The following CSMD3 variants were observed in gnomAD, a reference collection of about 807,000 sequenced individuals.
CSMD3 encodes the protein CUB and Sushi multiple domains 3.
In CSMD3, 177 loss-of-function variants were observed where a neutral mutation model predicts 435.2. That is an observed-to-expected ratio of 0.41 (90% confidence interval 0.36 to 0.46). CSMD3 has a LOEUF of 0.46. Among genes scored for constraint, CSMD3 ranks in the 20% least tolerant of loss-of-function variants. The probability of loss-of-function intolerance (pLI) is 0.34; values close to 1 mark genes in which losing one functional copy is unlikely to be tolerated. For missense variants in CSMD3, 4,265 were observed against 4,504.6 expected, an observed-to-expected ratio of 0.95 and a Z score of 1.52; for synonymous variants, 1,656 against 1,520.5, an observed-to-expected ratio of 1.09 and a Z score of -2.07.
chr8:112,597,251 A>G (rs1200115716), intron 22 of CSMD3, among the ~76,000 whole-genome samples: 1 of 152,156 alleles, frequency 6.6e-6, no homozygotes, highest in Non-Finnish European at 1.5e-5. Flanking sequence ...CTATGCAAAT[A>G]AACTAGAAAA....
chr8:113,408,442 C>T (rs562662240), intron 1 of CSMD3, among the ~76,000 whole-genome samples: 1 of 152,064 alleles, frequency 6.6e-6, no homozygotes, highest in East Asian at 1.9e-4. Context: ...TAATGAAAGG[C>T]TAAAACAAAA....
intron 32 of CSMD3, among the ~76,000 whole-genome samples, chr8:112,456,715 A>G (rs547754964): frequency 6.6e-6 from 1 of 152,188 alleles, no homozygotes; most frequent in African/African-American, 2.4e-5. Context: ...AGAAAGAATA[A>G]ATAACTTACA....
In CSMD3 at chr8:113,302,342, A is replaced by C. The variant is rs1219264070; in HGVS notation, c.401+12229T>G. 8.4e-5 allele frequency among the ~76,000 whole-genome samples: 12 copies of C among 143,702 alleles called. No individual in the cohort carries two copies. In the East Asian group the frequency reaches 2.4e-3, roughly 28 times the overall value. The allele number at this position is 143,702 out of a possible 152,430, so 94.3% of individuals were successfully genotyped here. On this transcript the variant is annotated intron_variant, in intron 2 of 70. Coordinates refer to ENST00000297405, the MANE Select transcript of CSMD3 (RefSeq NM_198123.2). ...ATAATAATATAATATAATAATAAAA[A>C]ATATTAGGAAGAATATCTGAAATGA...
At chr8:113,403,799 A>C (rs563532414) in intron 1 of CSMD3, among the ~76,000 whole-genome samples, 1 of 151,596 alleles carries the variant, frequency 6.6e-6, no homozygotes, top group African/African-American at 2.4e-5. Flanking sequence ...TAAAATTAGA[A>C]GGCCTTTTTC....
chr8:112,502,732 A>C (rs1822100604), intron 30 of CSMD3, among the ~76,000 whole-genome samples: 1 of 152,178 alleles, frequency 6.6e-6, no homozygotes, highest in African/African-American at 2.4e-5. Context: ...AATTTTTGTC[A>C]AGTTGGCTGA....
intron 4 of CSMD3, among the ~76,000 whole-genome samples, chr8:113,148,044 C>T (rs952680993): frequency 2.0e-5 from 3 of 151,570 alleles, no homozygotes; most frequent in African/African-American, 7.3e-5. Context: ...CTTTCTCAAA[C>T]TATTTAGTAG....
intron 23 of CSMD3, among the ~76,000 whole-genome samples, chr8:112,586,273 A>C (rs1422401122): frequency 6.6e-6 from 1 of 151,504 alleles, no homozygotes; most frequent in Non-Finnish European, 1.5e-5. Context: ...TGAATTTTTC[A>C]CCTGGCTTTA....
chr8:112,255,375 T>A lies in CSMD3; in HGVS notation c.9915A>T (p.Lys3305Asn), dbSNP rs1179098810. Residue 3305 changes from lysine to asparagine, a missense_variant, in exon 62 of 71, where the codon AAA (lysine) becomes AAT (asparagine). Physicochemically the swap from Lys to Asn is moderately conservative, Grantham distance 94. Around this residue, in one of 3 missense-constraint regions of CSMD3, gnomAD observed 3,255 missense variants for 3,380.2 expected, o/e 0.96. Transcript: ENST00000297405. ...GIPAQGKREG[K>N]SFIYQSEVSF... Reference sequence around the variant, plus strand: ...AAACCTCTGACTGGTATATAAAGCTTTTGCCTTCTCTTTTTCCTTGGGCAG... The same window carrying A: ...AAACCTCTGACTGGTATATAAAGCTATTGCCTTCTCTTTTTCCTTGGGCAG... 1.2e-6 allele frequency: 2 copies of A among 1,613,532 alleles called. No individual in the cohort carries two copies. The highest frequency in any genetic ancestry group is 1.3e-5 in the African/African-American group (1 of 74,822).
chr8:112,386,579 C>G (rs1053937746), intron 36 of CSMD3, among the ~76,000 whole-genome samples: 19 of 152,152 alleles, frequency 1.2e-4, no homozygotes, highest in Middle Eastern at 6.8e-3. Context: ...CTCACTGCAA[C>G]CTCTGCCTCC....
At position 113,113,199 on chromosome 8, in the gene CSMD3, T is replaced by C. The variant is rs149431420; in HGVS notation, c.710-14236A>G. 4.2e-4 allele frequency among the ~76,000 whole-genome samples: 64 copies of C among 152,320 alleles called. No homozygotes were observed. In the East Asian group the frequency reaches 8.3e-3, roughly 20 times the overall value. On this transcript the variant is annotated intron_variant, in intron 4 of 70. Coordinates refer to ENST00000297405, the MANE Select transcript of CSMD3 (RefSeq NM_198123.2). ...CCTAGACTAAGAATTATGAATATTT[T>C]GTTTTAGTTTTATTTATAGATACAG...
chr8:113,132,379 G>A (rs938580848), intron 4 of CSMD3, among the ~76,000 whole-genome samples: 2 of 152,190 alleles, frequency 1.3e-5, no homozygotes, highest in East Asian at 3.9e-4. Context: ...AATTGAGGGA[G>A]GGGCCTGGTG....
intron 5 of CSMD3, among the ~76,000 whole-genome samples, chr8:113,072,773 T>G (rs1474141367): frequency 6.6e-6 from 1 of 151,702 alleles, no homozygotes; most frequent in Non-Finnish European, 1.5e-5. Flanking sequence ...TACTTCTAGC[T>G]GATGAGCAAA....
At chr8:112,802,695 G>T (rs1037017508) in intron 12 of CSMD3, among the ~76,000 whole-genome samples, 16 of 151,874 alleles carry the variant, frequency 1.1e-4, no homozygotes, top group African/African-American at 3.9e-4. Flanking sequence ...ATTGGGATAT[G>T]AACGGTAGTT....
At chr8:113,374,749 C>A (rs549576624) in intron 1 of CSMD3, among the ~76,000 whole-genome samples, 1 of 146,618 alleles carries the variant, frequency 6.8e-6, no homozygotes, top group African/African-American at 2.6e-5. Context: ...ATCTAACTCT[C>A]CTTTTGATCT....
At chr8:112,635,525 T>A (rs1037607794) in intron 22 of CSMD3, among the ~76,000 whole-genome samples, 4 of 151,158 alleles carry the variant, frequency 2.6e-5, no homozygotes, top group African/African-American at 9.7e-5. Context: ...AAAAAAAAAA[T>A]GCACCCTGCA....
At chr8:112,360,341 C>T (rs1237688827) in intron 38 of CSMD3, among the ~76,000 whole-genome samples, 3 of 151,898 alleles carry the variant, frequency 2.0e-5, no homozygotes, top group Admixed American at 6.6e-5. Flanking sequence ...ATAAATAAAA[C>T]TATGTTAGTG....
chr8:112,730,831 C>T (rs540644242), intron 13 of CSMD3, among the ~76,000 whole-genome samples: 19 of 152,170 alleles, frequency 1.2e-4, no homozygotes, highest in East Asian at 3.9e-4. Flanking sequence ...GAGCTATAAA[C>T]GAAGTGGGTG....
rs191771225 is a variant in CSMD3, at chr8:113,110,160, T to A, written c.710-11197A>T. ...AGCACCAGGCTGATCCATATTAATCTCTTTATCAAAGGGTCACCTGACCAC... is the reference window on the plus strand; with the variant it reads ...AGCACCAGGCTGATCCATATTAATCACTTTATCAAAGGGTCACCTGACCAC... On this transcript the variant is annotated intron_variant, in intron 4 of 70. Transcript: ENST00000297405. Among the ~76,000 whole-genome samples the A allele has an allele frequency of 1.3e-3, 194 of 152,322 alleles. 3 individuals are homozygous for A. Among genetic ancestry groups the A allele is most frequent in the Non-Finnish European group, 1.8e-4 (12 of 68,034 alleles).
At position 112,396,367 on chromosome 8, in the gene CSMD3, T is replaced by A. The variant is rs1048430474; in HGVS notation, c.5810-5579A>T. Among the ~76,000 whole-genome samples the A allele has an allele frequency of 2.0e-5, 3 of 152,164 alleles. No homozygotes were observed. The East Asian group carries it at 5.8e-4, about 29-fold the overall frequency. Reference sequence around the variant, plus strand: ...AGGCTGTCAAAGATTATATCTAAACTGTAAAGGGTAAATGGAGAATTTGCT... The same window carrying A: ...AGGCTGTCAAAGATTATATCTAAACAGTAAAGGGTAAATGGAGAATTTGCT... On this transcript the variant is annotated intron_variant, in intron 35 of 70. Transcript: ENST00000297405.
Sources: allele counts gnomAD v4.1 joint callset (sites outside exome capture counted in the v4.1 genomes callset), GRCh38; gene constraint gnomAD v4.1.1; regional missense constraint gnomAD v4.1.1; transcripts MANE v1.5; gene names NCBI Gene and HGNC (gene_info 2026-07-23, HGNC 2026-07-21).